The following PDGFC variants were observed in gnomAD, a reference collection of about 807,000 sequenced individuals.
The protein encoded by PDGFC is platelet-derived growth factor C.
A neutral mutation model predicts 35.5 loss-of-function variants in PDGFC; 12 were observed. That is an observed-to-expected ratio of 0.34 (90% CI 0.22 to 0.55). PDGFC has a LOEUF of 0.55. Among genes scored for constraint, PDGFC ranks in the 20% least tolerant of loss-of-function variants. The probability of loss-of-function intolerance (pLI) is 0.91; values close to 1 mark genes in which losing one functional copy is unlikely to be tolerated. For synonymous variants in PDGFC, 159 were observed against 148.8 expected (o/e 1.07, Z -0.50); for missense variants, 322 against 412.4 (o/e 0.78, Z 1.90).
At chr4:156,837,981 T>C (rs1729102996) in intron 2 of PDGFC, among the ~76,000 whole-genome samples, 1 of 152,154 alleles carries the variant, frequency 6.6e-6, no homozygotes. Context: ...ATGATTTTTT[T>C]TTTTTAAGTT....
intron 1 of PDGFC, among the ~76,000 whole-genome samples, chr4:156,903,498 A>C (rs530989184): frequency 6.6e-6 from 1 of 152,198 alleles, no homozygotes; most frequent in African/African-American, 2.4e-5. Context: ...GTAACAAATA[A>C]CACAGCAGAT....
intron 1 of PDGFC, among the ~76,000 whole-genome samples, chr4:156,924,140 G>A (rs895811284): frequency 1.1e-4 from 16 of 152,050 alleles, no homozygotes; most frequent in African/African-American, 2.9e-4. Context: ...TTGGCCAAAC[G>A]AATAGCTAAC....
intron 1 of PDGFC, among the ~76,000 whole-genome samples, chr4:156,939,722 A>C (rs540748217): frequency 4.6e-5 from 7 of 152,242 alleles, no homozygotes; most frequent in Non-Finnish European, 8.8e-5. Context: ...CCTTCTAAGA[A>C]GTGTTAATTG....
intron 2 of PDGFC, among the ~76,000 whole-genome samples, chr4:156,825,572 TAATAATAATAATAATAATAATAAGAAG>T (rs1560828229): frequency 2.1e-5 from 2 of 94,708 alleles, no homozygotes; most frequent in African/African-American, 1.2e-4. Flanking sequence ...ATAATAATAA[TAATAATAATAATAATAATAATAAGAAG>T]AAGAAGAAGA....
intron 1 of PDGFC, among the ~76,000 whole-genome samples, chr4:156,864,203 G>A (rs1466221752): frequency 6.6e-6 from 1 of 152,022 alleles, no homozygotes; most frequent in Non-Finnish European, 1.5e-5. Flanking sequence ...GTAATGTAAG[G>A]GTTGGTTTCT....
intron 1 of PDGFC, among the ~76,000 whole-genome samples, chr4:156,916,817 A>T (rs1731165220): frequency 6.6e-6 from 1 of 152,182 alleles, no homozygotes; most frequent in South Asian, 2.1e-4. Context: ...TCTAACTGCT[A>T]CTGGCCAAAA....
intron 3 of PDGFC, among the ~76,000 whole-genome samples, chr4:156,786,110 T>C (rs548290530): frequency 1.3e-5 from 2 of 152,310 alleles, no homozygotes; most frequent in East Asian, 3.9e-4. Context: ...CTTGATTATC[T>C]ATCTTGTCAC....
chr4:156,807,004 A>T (rs143086152), intron 3 of PDGFC, among the ~76,000 whole-genome samples: 4 of 150,718 alleles, frequency 2.7e-5, no homozygotes, highest in Admixed American at 2.0e-4. Flanking sequence ...TCTCACTGCT[A>T]ATCTACCAGG....
intron 1 of PDGFC, among the ~76,000 whole-genome samples, chr4:156,861,706 T>C (rs1160808839): frequency 6.6e-6 from 1 of 151,994 alleles, no homozygotes; most frequent in Non-Finnish European, 1.5e-5. Context: ...TTGGCTGGCA[T>C]AGAAAAAAAT....
chr4:156,850,294 C>G lies in PDGFC; in HGVS notation c.241G>C (p.Glu81Gln). ...GTAAGTTGTATCCATACATTTTCCT[C>G]TACTGCTACTAATCTCCATACCAAG... Reference protein sequence around the residue: ...TVLVWRLVAVEENVWIQLTFD... With the variant: ...TVLVWRLVAVQENVWIQLTFD... The change falls in exon 2 of 6, where the codon GAG becomes CAG. Residue 81 changes from glutamate to glutamine, a missense_variant. Transcript: ENST00000502773. The G allele has an allele frequency of 6.2e-7, 1 of 1,611,232 alleles. No homozygotes were observed. Among genetic ancestry groups the G allele is most frequent in the Non-Finnish European group, 8.5e-7 (1 of 1,178,176 alleles).
intron 1 of PDGFC, among the ~76,000 whole-genome samples, chr4:156,963,824 T>C (rs1732398355): frequency 6.6e-6 from 1 of 152,218 alleles, no homozygotes; most frequent in African/African-American, 2.4e-5. Context: ...GCTTTAATTA[T>C]AAACGTAGTT....
intron 3 of PDGFC, among the ~76,000 whole-genome samples, chr4:156,804,317 G>A (rs1731697050): frequency 6.6e-6 from 1 of 151,966 alleles, no homozygotes; most frequent in African/African-American, 2.4e-5. Context: ...AAGCATATCT[G>A]ATGAAAACAC....
At chr4:156,819,422 T>G (rs989083859) in intron 2 of PDGFC, among the ~76,000 whole-genome samples, 7 of 152,212 alleles carry the variant, frequency 4.6e-5, no homozygotes, top group Non-Finnish European at 1.0e-4. Flanking sequence ...TTGAAGCTAA[T>G]GCTCATTTAC....
At chr4:156,856,546 ATT>A (rs766521217) in intron 1 of PDGFC, among the ~76,000 whole-genome samples, 2 of 152,074 alleles carry the variant, frequency 1.3e-5, no homozygotes, top group Non-Finnish European at 2.9e-5. Flanking sequence ...AGGAGTGAAT[ATT>A]TTAATCATAA....
intron 3 of PDGFC, among the ~76,000 whole-genome samples, chr4:156,784,587 TAAG>T (rs1431792125): frequency 6.6e-6 from 1 of 151,514 alleles, no homozygotes; most frequent in Non-Finnish European, 1.5e-5. Flanking sequence ...GAGAAAAAAA[TAAG>T]AAAGAATCAT....
At chr4:156,846,442 A>ATGT (rs2111070722) in intron 2 of PDGFC, among the ~76,000 whole-genome samples, 1 of 151,908 alleles carries the variant, frequency 6.6e-6, no homozygotes, top group Admixed American at 6.6e-5. Context: ...TAATATTGAG[A>ATGT]GACAGTCTGT....
At chr4:156,864,282 G>T (rs1265743040) in intron 1 of PDGFC, among the ~76,000 whole-genome samples, 1 of 152,068 alleles carries the variant, frequency 6.6e-6, no homozygotes, top group African/African-American at 2.4e-5. Context: ...TCTACAAAAA[G>T]ACACCAGCAA....
At chr4:156,826,818 G>A (rs1728768705) in intron 2 of PDGFC, among the ~76,000 whole-genome samples, 1 of 152,070 alleles carries the variant, frequency 6.6e-6, no homozygotes, top group Non-Finnish European at 1.5e-5. Flanking sequence ...AGCAGCATAA[G>A]CCATTTTAAT....
intron 1 of PDGFC, among the ~76,000 whole-genome samples, chr4:156,915,663 C>T (rs549168255): frequency 5.9e-5 from 9 of 151,986 alleles, no homozygotes; most frequent in Admixed American, 3.3e-4. Flanking sequence ...AGTGGTGGTG[C>T]GTGTTTGTAA....
Sources: gnomAD v4.1 joint callset for allele counts (sites outside exome capture counted in the v4.1 genomes callset) on GRCh38, gnomAD v4.1.1 for gene constraint, MANE v1.5 for transcripts, NCBI Gene and HGNC (gene_info 2026-07-23, HGNC 2026-07-21) for gene names.